The following AP1M2 variants were observed in gnomAD, a reference collection of about 807,000 sequenced individuals.
AP1M2 encodes the protein AP-1 complex subunit mu-2.
AP1M2 carries 41 observed loss-of-function variants against 54.6 expected under a neutral mutation model. The observed-to-expected ratio is 0.75, with a 90% CI of 0.59 to 0.97. The LOEUF is 0.97. Ranked by LOEUF, AP1M2 falls within the 50% of genes least tolerant of loss-of-function variation. AP1M2 has a pLI of 0.00. For missense variants in AP1M2, 507 were observed against 561.2 expected (o/e 0.90, Z 0.98); for synonymous variants, 219 against 215.9 (o/e 1.01, Z -0.13).
Position 10,584,008 on chromosome 19 carries a change from A to C in AP1M2, c.105T>G (p.Pro35=). The C allele has an allele frequency of 6.2e-7, 1 of 1,609,988 alleles. No individual in the cohort carries two copies. Among genetic ancestry groups the C allele is most frequent in the African/African-American group, 1.3e-5 (1 of 75,010 alleles). ...CTTCCTCCTCCCGCTGTACCAGCAA[A>C]GGCATGAAGTGCTCAATCTTGCTCA... ...VAMSKIEHFM[P]LLVQREEEGA... The change falls in exon 2 of 12, where the codon CCT becomes CCG. Residue 35 remains proline, a synonymous_variant. Coordinates refer to ENST00000250244, the MANE Select transcript of AP1M2 (RefSeq NM_005498.5).
chr19:10,586,239 T>C (rs1244430586), intron 1 of AP1M2, among the ~76,000 whole-genome samples: 4 of 146,520 alleles, frequency 2.7e-5, no homozygotes, highest in Non-Finnish European at 6.0e-5. Flanking sequence ...GCCAAGATCA[T>C]GCCATTGCAC....
intron 9 of AP1M2, among the ~76,000 whole-genome samples, chr19:10,576,668 G>A (rs1174755742): frequency 6.6e-6 from 1 of 151,438 alleles, no homozygotes; most frequent in African/African-American, 2.4e-5. Flanking sequence ...CAAAGTGCTG[G>A]GATTACAGGT....
intron 11 of AP1M2, 47 bp from the exon 12 acceptor site, chr19:10,573,135 G>T (rs747048652): frequency 6.5e-7 from 1 of 1,531,286 alleles, no homozygotes. Flanking sequence ...TGGGGAGAGG[G>T]GGGCCGGGCA....
At chr19:10,584,866 C>G (rs1371830407) in intron 1 of AP1M2, 1 of 151,834 alleles carries the variant, frequency 6.6e-6, no homozygotes, top group Non-Finnish European at 1.5e-5. Flanking sequence ...GGTCCAGAAT[C>G]CCTGCTGTTG....
At chr19:10,575,082 A>G in intron 9 of AP1M2, 53 bp from the exon 10 acceptor site, 2 of 1,415,426 alleles carry the variant, frequency 1.4e-6, no homozygotes, top group Non-Finnish European at 1.9e-6. Flanking sequence ...CCCTCCCGAG[A>G]CCTTCCTTTC....
rs34667196 is a variant in AP1M2 at position 10,576,258 on chromosome 19, ATTTTTTTTTTT to A, written c.1047+929_1047+939del. 2.5e-3 allele frequency among the ~76,000 whole-genome samples: 203 copies of A among 82,552 alleles called. 1 individual carries two copies. The highest frequency in any genetic ancestry group is 9.3e-3 in the African/African-American group (189 of 20,310). The allele number at this position is 82,552 out of a possible 152,430, so 54.2% of individuals were successfully genotyped here. On this transcript the variant is annotated intron_variant, in intron 9 of 11. Coordinates refer to ENST00000250244, the MANE Select transcript of AP1M2 (RefSeq NM_005498.5). The stretch of plus-strand genomic sequence containing the variant: ...AGGCGCACACCCCCATGCCCGGCTA[ATTTTTTTTTTT>A]TTTTTTTTTTTGAAATGGAGTCTCG...
At chr19:10,576,007 T>A (rs1917219316) in intron 9 of AP1M2, among the ~76,000 whole-genome samples, 1 of 150,374 alleles carries the variant, frequency 6.7e-6, no homozygotes, top group Non-Finnish European at 1.5e-5. Flanking sequence ...TCTCCTGACC[T>A]CGTAATCTGC....
intron 1 of AP1M2, chr19:10,584,928 CA>C (rs528842643): frequency 4.7e-4 from 65 of 138,568 alleles, no homozygotes; most frequent in East Asian, 4.2e-4. Flanking sequence ...ACAACAACAA[CA>C]AAAAAAAAAA....
At chr19:10,573,678 T>C (rs1272454098) in intron 11 of AP1M2, among the ~76,000 whole-genome samples, 2 of 148,798 alleles carry the variant, frequency 1.3e-5, no homozygotes, top group Admixed American at 1.3e-4. Flanking sequence ...TTTTTTTTTT[T>C]TTTGAGCCAG....
intron 3 of AP1M2, 22 bp downstream of exon 3, chr19:10,583,584 C>A: frequency 6.4e-7 from 1 of 1,571,366 alleles, no homozygotes; most frequent in Non-Finnish European, 8.7e-7. Context: ...GACCAGTTAG[C>A]CAATGGGAGG....
rs1447760741 is a variant in AP1M2, at chr19:10,585,760, AG to A, written c.42+1429del. The stretch of plus-strand genomic sequence containing the variant: ...TGTCTGAACAGGGAGGACCCATGGC[AG>A]GTTCTCAAACATCTTAGCTCTCACT... On this transcript the variant is annotated intron_variant, in intron 1 of 11. Transcript: ENST00000250244. Among the ~76,000 whole-genome samples the A allele has an allele frequency of 2.0e-5, 3 of 152,106 alleles. No individual in the cohort carries two copies. In the East Asian group the frequency reaches 5.8e-4, roughly 29 times the overall value.
intron 1 of AP1M2, among the ~76,000 whole-genome samples, chr19:10,586,687 T>C (rs965772902): frequency 3.9e-5 from 6 of 151,928 alleles, no homozygotes; most frequent in African/African-American, 1.5e-4. Context: ...TGAGCTATGA[T>C]CGCACCACTG....
intron 6 of AP1M2, 71 bp from the exon 7 acceptor site, chr19:10,579,929 G>GGTTCCCAGGGTCACTCTGCA: frequency 6.9e-7 from 1 of 1,447,560 alleles, no homozygotes. Flanking sequence ...CACCTTTCCT[G>GGTTCCCAGGGTCACTCTGCA]CCGACCACTG....
chr19:10,581,663 C>T (rs370831236), intron 4 of AP1M2, 29 bp from the exon 5 acceptor site: 1 of 1,613,070 alleles, frequency 6.2e-7, no homozygotes, highest in Admixed American at 1.7e-5. Flanking sequence ...GGACAAGCAG[C>T]TGGACCCAGG....
chr19:10,574,365 T>C (rs1917155108), intron 11 of AP1M2, 52 bp downstream of exon 11: 1 of 1,408,984 alleles, frequency 7.1e-7, no homozygotes, highest in Non-Finnish European at 9.7e-7. Context: ...CTCGAGTCCC[T>C]ACCCACTGCC....
At chr19:10,576,749 G>A (rs1917248563) in intron 9 of AP1M2, among the ~76,000 whole-genome samples, 1 of 149,742 alleles carries the variant, frequency 6.7e-6, no homozygotes, top group Non-Finnish European at 1.5e-5. Context: ...CTGTTGCCCA[G>A]GCTGGAGTGT....
chr19:10,575,977 G>T (rs1327972393), intron 9 of AP1M2, among the ~76,000 whole-genome samples: 1 of 148,588 alleles, frequency 6.7e-6, no homozygotes, highest in Non-Finnish European at 1.5e-5. Context: ...GTTTCACAGT[G>T]TTAGCCAGGA....
chr19:10,579,108 T>C (rs1917347006), intron 7 of AP1M2, 145 bp from the exon 8 acceptor site: 1 of 542,928 alleles, frequency 1.8e-6, no homozygotes, highest in Admixed American at 3.1e-5. Context: ...CACTGCAACC[T>C]GCACCTCCTG....
intron 1 of AP1M2, among the ~76,000 whole-genome samples, chr19:10,586,352 G>C (rs967291590): frequency 6.6e-6 from 1 of 150,732 alleles, no homozygotes; most frequent in South Asian, 2.1e-4. Context: ...CTACTCGGGA[G>C]GCTGAGGCAG....
Sources: gnomAD v4.1 joint callset for allele counts (sites outside exome capture counted in the v4.1 genomes callset) on GRCh38, gnomAD v4.1.1 for gene constraint, MANE v1.5 for transcripts, NCBI Gene and HGNC (gene_info 2026-07-23, HGNC 2026-07-21) for gene names.